The following RORA variants were observed in gnomAD, a reference collection of about 807,000 sequenced individuals.
RORA encodes RAR related orphan receptor A.
A neutral mutation model predicts 69.5 loss-of-function variants in RORA; 7 were observed. The observed-to-expected ratio is 0.10, with a 90% CI of 0.06 to 0.19. The LOEUF (loss-of-function observed/expected upper bound fraction) is 0.19. Ranked by LOEUF, RORA falls within the 10% of genes least tolerant of loss-of-function variation. RORA has a pLI of 1.00. For synonymous variants in RORA, 261 were observed against 240.8 expected (o/e 1.08, Z -0.78); for missense variants, 457 against 663.0 (o/e 0.69, Z 3.41).
intron 1 of RORA, among the ~76,000 whole-genome samples, chr15:61,180,498 G>C (rs1319290786): frequency 2.0e-5 from 3 of 152,262 alleles, no homozygotes; most frequent in South Asian, 4.1e-4. Flanking sequence ...CGGCCACAGT[G>C]TTCACAACTT....
chr15:61,111,836 A>C (rs545811566), intron 1 of RORA, among the ~76,000 whole-genome samples: 1 of 152,386 alleles, frequency 6.6e-6, no homozygotes, highest in East Asian at 1.9e-4. Context: ...CATTAAGAAA[A>C]TTCTTCCTAA....
At chr15:60,831,976 G>C (rs969274739) in intron 1 of RORA, among the ~76,000 whole-genome samples, 1 of 152,204 alleles carries the variant, frequency 6.6e-6, no homozygotes, top group Admixed American at 6.5e-5. Flanking sequence ...TTCTGGGACA[G>C]TGTCTGCTGA....
At chr15:61,007,401 A>G (rs1023861425) in intron 1 of RORA, among the ~76,000 whole-genome samples, 2 of 152,184 alleles carry the variant, frequency 1.3e-5, no homozygotes, top group Non-Finnish European at 2.9e-5. Flanking sequence ...ATTCATCCAT[A>G]GGTAAAAAAA....
intron 1 of RORA, among the ~76,000 whole-genome samples, chr15:60,876,308 AAG>A (rs1439938981): frequency 3.3e-4 from 2 of 6,030 alleles, no homozygotes; most frequent in East Asian, 0.011. Flanking sequence ...CTCTTACAGG[AAG>A]TGGGGGGGGG....
At chr15:60,801,222 G>T (rs531074370) in intron 1 of RORA, among the ~76,000 whole-genome samples, 1 of 152,268 alleles carries the variant, frequency 6.6e-6, no homozygotes, top group South Asian at 2.1e-4. Flanking sequence ...TGGGTGGAAA[G>T]GTTCAATTAG....
At chr15:60,503,316 AAATT>A (rs1451963847) in intron 7 of RORA, among the ~76,000 whole-genome samples, 2 of 152,192 alleles carry the variant, frequency 1.3e-5, no homozygotes, top group African/African-American at 4.8e-5. Context: ...GGTGACCTTC[AAATT>A]AATCTTTTCA....
chr15:60,895,926 T>A (rs1450771878), intron 1 of RORA, among the ~76,000 whole-genome samples: 1 of 152,240 alleles, frequency 6.6e-6, no homozygotes, highest in Admixed American at 6.5e-5. Context: ...ATTCAGTTTT[T>A]TAATTAGAAA....
At chr15:61,134,838 GTCAC>G (rs1359825522) in intron 1 of RORA, among the ~76,000 whole-genome samples, 1 of 152,014 alleles carries the variant, frequency 6.6e-6, no homozygotes, top group Non-Finnish European at 1.5e-5. Flanking sequence ...TCTTCAGTGG[GTCAC>G]TCACTCACTC....
At position 60,506,725 on chromosome 15, in the gene RORA, G is replaced by C. The variant is rs564412830; in HGVS notation, c.821-1096C>G. Among the ~76,000 whole-genome samples, 22 of 152,172 alleles carry C rather than the reference G, an allele frequency of 1.4e-4. No individual in the cohort carries two copies. The South Asian group carries it at 4.6e-3, about 32-fold the overall frequency. On this transcript the variant is annotated intron_variant, in intron 5 of 10. Coordinates refer to ENST00000335670, the MANE Select transcript of RORA (RefSeq NM_134261.3). ...AAAAAAAATTGGCGTGGTGTTGGCT[G>C]TCTGTGATCCCAGCTACTTGAGAGG...
intron 2 of RORA, among the ~76,000 whole-genome samples, chr15:60,541,891 T>A (rs2066883484): frequency 6.6e-6 from 1 of 152,224 alleles, no homozygotes; most frequent in African/African-American, 2.4e-5. Context: ...CCCGCACCAC[T>A]GTCCTTCCTA....
intron 1 of RORA, among the ~76,000 whole-genome samples, chr15:60,954,053 CAAT>C (rs776779943): frequency 0.022 from 3,285 of 150,882 alleles, 48 homozygotes; most frequent in Middle Eastern, 0.048. Flanking sequence ...AAATGTACAA[CAAT>C]GATAGACTGG....
intron 1 of RORA, among the ~76,000 whole-genome samples, chr15:61,050,374 C>T (rs1897238063): frequency 6.6e-6 from 1 of 152,158 alleles, no homozygotes; most frequent in Non-Finnish European, 1.5e-5. Context: ...ATCAATAATT[C>T]TAAAAAATTT....
chr15:61,112,763 G>A (rs1465368484), intron 1 of RORA, among the ~76,000 whole-genome samples: 3 of 152,274 alleles, frequency 2.0e-5, no homozygotes, highest in Admixed American at 1.3e-4. Context: ...ACAGACGAAG[G>A]ATATTAAATA....
chr15:60,524,292 T>C (rs1475780404), intron 3 of RORA, among the ~76,000 whole-genome samples: 1 of 152,218 alleles, frequency 6.6e-6, no homozygotes, highest in Non-Finnish European at 1.5e-5. Context: ...CCAATCCATT[T>C]CACACAGTTA....
intron 1 of RORA, among the ~76,000 whole-genome samples, chr15:60,921,639 G>C (rs1892051585): frequency 6.6e-6 from 1 of 152,130 alleles, no homozygotes; most frequent in Admixed American, 6.5e-5. Flanking sequence ...GCACAAATAT[G>C]ATCTGTGCAC....
intron 1 of RORA, among the ~76,000 whole-genome samples, chr15:61,038,326 T>C (rs1433814683): frequency 6.7e-6 from 1 of 150,224 alleles, no homozygotes; most frequent in Non-Finnish European, 1.5e-5. Flanking sequence ...ACTATAATCA[T>C]TAATAATTTC....
chr15:61,082,836 C>T (rs1466945176), intron 1 of RORA, among the ~76,000 whole-genome samples: 3 of 152,000 alleles, frequency 2.0e-5, no homozygotes, highest in East Asian at 1.9e-4. Context: ...AGATAAAATA[C>T]GAATAATTGA....
At chr15:60,570,864 G>A (rs991576220) in intron 2 of RORA, among the ~76,000 whole-genome samples, 4 of 152,098 alleles carry the variant, frequency 2.6e-5, no homozygotes, top group Admixed American at 2.6e-4. Flanking sequence ...TAACCTTTCC[G>A]AGTTTCTGTT....
At chr15:60,649,038 A>T (rs948680800) in intron 2 of RORA, among the ~76,000 whole-genome samples, 2 of 152,106 alleles carry the variant, frequency 1.3e-5, no homozygotes, top group South Asian at 4.1e-4. Flanking sequence ...TCATAATCTC[A>T]GAAGCCGATA....
Sources: allele counts gnomAD v4.1 joint callset (sites outside exome capture counted in the v4.1 genomes callset), GRCh38; gene constraint gnomAD v4.1.1; transcripts MANE v1.5; gene names NCBI Gene and HGNC (gene_info 2026-07-23, HGNC 2026-07-21).